Variants in SLC36A1 observed in about 807,000 individuals in gnomAD.
SLC36A1 encodes proton-coupled amino acid transporter 1.
SLC36A1 carries 30 observed loss-of-function variants against 47.5 expected under a neutral mutation model. The observed-to-expected ratio is 0.63, with a 90% CI of 0.47 to 0.86. SLC36A1 has a LOEUF of 0.86. Ranked by LOEUF, SLC36A1 falls within the 40% of genes least tolerant of loss-of-function variation. The probability of loss-of-function intolerance (pLI) is 0.00; values close to 1 mark genes in which losing one functional copy is unlikely to be tolerated. For synonymous variants in SLC36A1, 255 were observed against 249.7 expected, an observed-to-expected ratio of 1.02 and a Z score of -0.20; for missense variants, 517 against 606.0, an observed-to-expected ratio of 0.85 and a Z score of 1.54.
At chr5:151,348,172 TAA>T in the SLC36A1 span, among the ~76,000 whole-genome samples, 2 of 152,034 alleles carry the variant, frequency 1.3e-5, no homozygotes, top group African/African-American at 4.8e-5. Flanking sequence ...ATGGAGTGAG[TAA>T]AGAGTGTTCT....
chr5:151,493,706 A>T (rs1285384525), downstream of SLC36A1, among the ~76,000 whole-genome samples: 2 of 152,220 alleles, frequency 1.3e-5, no homozygotes, highest in Non-Finnish European at 2.9e-5. Flanking sequence ...ACCAACTAGT[A>T]GTTAGCAGCA....
At chr5:151,389,679 A>G in the SLC36A1 span, among the ~76,000 whole-genome samples, 74,553 of 150,522 alleles carry the variant, frequency 0.5, 20,374 homozygotes, top group African/African-American at 0.75. Context: ...TGTCCTTGCA[A>G]TAGTTTGCTG....
chr5:151,378,112 T>C, the SLC36A1 span: 1 of 348,658 alleles, frequency 2.9e-6, no homozygotes. Context: ...ATTTCCACAT[T>C]GGTACAAACA....
the SLC36A1 span, chr5:151,506,173 A>G: frequency 2.1e-6 from 3 of 1,442,710 alleles, no homozygotes; most frequent in South Asian, 1.5e-5. Flanking sequence ...GCAACTATAT[A>G]TAACCTAGCG....
the SLC36A1 span, chr5:151,377,930 A>G: frequency 2.8e-4 from 45 of 158,600 alleles, no homozygotes; most frequent in Non-Finnish European, 5.3e-4. Context: ...TGAGTTTTTT[A>G]TAAGTGGCAT....
chr5:151,526,915 G>A, the SLC36A1 span, among the ~76,000 whole-genome samples: 6 of 152,130 alleles, frequency 3.9e-5, no homozygotes, highest in Non-Finnish European at 7.3e-5. Flanking sequence ...AAAATCCCTG[G>A]GGTTCAATCC....
At chr5:151,405,814 G>T in the SLC36A1 span, among the ~76,000 whole-genome samples, 2 of 151,996 alleles carry the variant, frequency 1.3e-5, no homozygotes, top group Non-Finnish European at 2.9e-5. Context: ...TTCATTTCTG[G>T]GTGCTTTTAG....
At chr5:151,527,183 AG>A in the SLC36A1 span, 1 of 1,538,356 alleles carries the variant, frequency 6.5e-7, no homozygotes, top group Non-Finnish European at 8.8e-7. Context: ...TTCTGCTAGA[AG>A]GGAAATGAAG....
At chr5:151,525,814 T>A in the SLC36A1 span, 3 of 1,614,134 alleles carry the variant, frequency 1.9e-6, no homozygotes, top group South Asian at 3.3e-5. Context: ...GCTTAGGCCC[T>A]CAGCAGTCAC....
chr5:151,553,094 A>G, the SLC36A1 span: 3 of 1,402,706 alleles, frequency 2.1e-6, no homozygotes, highest in African/African-American at 4.2e-5. Context: ...GAGAAGAGTC[A>G]GAAGGACTGT....
At chr5:151,400,744 T>G in the SLC36A1 span, among the ~76,000 whole-genome samples, 1 of 152,204 alleles carries the variant, frequency 6.6e-6, no homozygotes, top group Non-Finnish European at 1.5e-5. Flanking sequence ...GGTAGCTCTT[T>G]GTGGTTTTGA....
chr5:151,352,037 C>T, the SLC36A1 span, among the ~76,000 whole-genome samples: 1 of 152,140 alleles, frequency 6.6e-6, no homozygotes, highest in Non-Finnish European at 1.5e-5. Flanking sequence ...ACCTTTTTTC[C>T]TGCATTAAAT....
At chr5:151,518,791 G>A in the SLC36A1 span, among the ~76,000 whole-genome samples, 3 of 152,166 alleles carry the variant, frequency 2.0e-5, no homozygotes, top group African/African-American at 7.2e-5. Flanking sequence ...GACCACTCTT[G>A]GGAATAGCAT....
chr5:151,410,850 T>C, the SLC36A1 span, among the ~76,000 whole-genome samples: 8 of 144,538 alleles, frequency 5.5e-5, 2 homozygotes, highest in African/African-American at 2.0e-4. Flanking sequence ...TAATTCTTGG[T>C]TGGGAGGGAC....
chr5:151,399,085 T>TATATA, the SLC36A1 span, among the ~76,000 whole-genome samples: 966 of 59,302 alleles, frequency 0.016, 13 homozygotes, highest in African/African-American at 0.073. Flanking sequence ...TATATATATA[T>TATATA]TTTTTTTTTT....
chr5:151,356,607 G>C, the SLC36A1 span, among the ~76,000 whole-genome samples: 1 of 152,074 alleles, frequency 6.6e-6, no homozygotes, highest in Non-Finnish European at 1.5e-5. Flanking sequence ...ATTTTTGCAA[G>C]AGGAAATTCA....
the SLC36A1 span, chr5:151,509,896 A>G: frequency 8.8e-7 from 1 of 1,132,686 alleles, no homozygotes; most frequent in South Asian, 1.7e-5. Flanking sequence ...AACAGATGGA[A>G]AAGGCCTAGA....
chr5:151,380,611 C>G, the SLC36A1 span: 904 of 550,974 alleles, frequency 1.6e-3, 10 homozygotes, highest in African/African-American at 0.016. Context: ...CACTGAAGAA[C>G]TTCGTCAGTT....
At chr5:151,345,557 AAG>A in the SLC36A1 span, among the ~76,000 whole-genome samples, 1 of 152,164 alleles carries the variant, frequency 6.6e-6, no homozygotes, top group South Asian at 2.1e-4. Flanking sequence ...TCGAGGGAGA[AAG>A]GGGGTGGAGA....
Sources: allele counts gnomAD v4.1 joint callset (sites outside exome capture counted in the v4.1 genomes callset), GRCh38; gene constraint gnomAD v4.1.1; transcripts MANE v1.5; gene names NCBI Gene and HGNC (gene_info 2026-07-23, HGNC 2026-07-21).